The following FRZB variants were observed in gnomAD, a reference collection of about 807,000 sequenced individuals.
FRZB encodes frizzled related protein, also known as secreted frizzled-related protein 3.
FRZB carries 34 observed loss-of-function variants against 32.5 expected under a neutral mutation model. The ratio of observed to expected loss-of-function variants is 1.05; its 90% confidence interval spans 0.80 to 1.39. The LOEUF (loss-of-function observed/expected upper bound fraction) is 1.39. Among genes scored for constraint, FRZB ranks in the 40% most tolerant of loss-of-function variants. FRZB has a pLI of 0.00. For synonymous variants in FRZB, 170 were observed against 159.2 expected (o/e 1.07, Z -0.51); for missense variants, 423 against 424.8 (o/e 1.00, Z 0.04).
intron 1 of FRZB, among the ~76,000 whole-genome samples, chr2:182,865,207 C>T (rs1695877555): frequency 6.6e-6 from 1 of 151,150 alleles, no homozygotes. Flanking sequence ...ATTTTTTTTT[C>T]AAAACATGAG....
intron 1 of FRZB, among the ~76,000 whole-genome samples, chr2:182,862,310 C>T (rs1695842234): frequency 1.3e-5 from 2 of 152,218 alleles, no homozygotes; most frequent in South Asian, 2.1e-4. Flanking sequence ...CTTGGCACGG[C>T]AAACTGTAGG....
At chr2:182,847,755 G>A (rs1043867393) in intron 2 of FRZB, among the ~76,000 whole-genome samples, 1 of 152,320 alleles carries the variant, frequency 6.6e-6, no homozygotes, top group South Asian at 2.1e-4. Context: ...AGCAAAGAAA[G>A]TATAAAGCAG....
At chr2:182,844,230 C>A (rs548888380) in intron 2 of FRZB, among the ~76,000 whole-genome samples, 8 of 152,278 alleles carry the variant, frequency 5.3e-5, no homozygotes, top group Admixed American at 4.6e-4. Flanking sequence ...CACACAATTT[C>A]TGTGAAGATC....
intron 4 of FRZB, among the ~76,000 whole-genome samples, 180 bp from the exon 5 acceptor site, chr2:182,838,191 G>A (rs1469264115): frequency 6.6e-6 from 1 of 151,928 alleles, no homozygotes; most frequent in Non-Finnish European, 1.5e-5. Context: ...AACAAATGAA[G>A]TTATGGCCCC....
chr2:182,840,283 T>G (rs1042072723), intron 3 of FRZB, among the ~76,000 whole-genome samples: 5 of 152,154 alleles, frequency 3.3e-5, no homozygotes, highest in African/African-American at 1.2e-4. Context: ...GCAGGCATTT[T>G]TGTGTGTCCT....
rs1460396440 is a variant in FRZB, at chr2:182,866,272, G to C, written c.281C>G (p.Pro94Arg). Residue 94 changes from proline to arginine, a missense_variant, in exon 1 of 6, where the codon CCC becomes CGC. Pro to Arg is a moderately radical substitution (Grantham distance 103, BLOSUM62 -2). Transcript: ENST00000295113. This position sits in a 1 kb window ranked among gnomAD's most constrained non-coding sequence, Gnocchi z 4.5. ...LLFFLCAMYA[P>R]ICTIDFQHEP... Reference sequence around the variant, plus strand: ...GTGCTGGAAGTCAATGGTGCAGATGGGCGCGTACATGGCACAGAGGAAGAA... The same window carrying C: ...GTGCTGGAAGTCAATGGTGCAGATGCGCGCGTACATGGCACAGAGGAAGAA... The C allele has an allele frequency of 6.2e-7, 1 of 1,614,112 alleles. No homozygotes were observed. The highest frequency in any genetic ancestry group is 1.3e-5 in the African/African-American group (1 of 74,938).
At chr2:182,848,821 G>A (rs1260351993) in intron 2 of FRZB, among the ~76,000 whole-genome samples, 1 of 152,230 alleles carries the variant, frequency 6.6e-6, no homozygotes, top group Admixed American at 6.5e-5. Flanking sequence ...AGTGTGTACA[G>A]TATGCTTCCA....
intron 3 of FRZB, 53 bp from the exon 4 acceptor site, chr2:182,838,666 C>T: frequency 6.7e-7 from 1 of 1,485,078 alleles, no homozygotes; most frequent in Admixed American, 1.8e-5. Flanking sequence ...AATAGCTACC[C>T]CATTCAAAAA....
intron 2 of FRZB, among the ~76,000 whole-genome samples, chr2:182,854,904 C>G (rs561298877): frequency 6.6e-6 from 1 of 152,206 alleles, no homozygotes; most frequent in East Asian, 1.9e-4. Context: ...GATAAAGGAG[C>G]CTGGGAAAGG....
intron 5 of FRZB, among the ~76,000 whole-genome samples, chr2:182,836,884 G>A (rs1448618308): frequency 6.6e-6 from 1 of 151,956 alleles, no homozygotes; most frequent in Non-Finnish European, 1.5e-5. Flanking sequence ...CTTACTGGAG[G>A]GTAGTTTCTC....
At position 182,833,351 on chromosome 2, in the gene FRZB, T is replaced by C. The variant is rs1695486638; in HGVS notation, c.*1498A>G. 6.6e-6 allele frequency: 1 copy of C among 152,130 alleles called. No homozygotes were observed. Among genetic ancestry groups the C allele is most frequent in the African/African-American group, 2.4e-5 (1 of 41,420 alleles). 9.4% of individuals were successfully genotyped at this position (152,130 alleles called of 1,614,324 possible). A position where few individuals can be genotyped will look rare whatever the true frequency, so the allele number is the denominator to read the frequency against. ...GTTCTACTAATAGCACACATGTAAA[T>C]GGCAGAGAATGAAACTTTCAAGTAA... On this transcript the variant is annotated 3_prime_UTR_variant, in exon 6 of 6. Coordinates refer to ENST00000295113, the MANE Select transcript of FRZB (RefSeq NM_001463.4).
chr2:182,850,905 T>C (rs1385871237), intron 2 of FRZB, among the ~76,000 whole-genome samples: 1 of 152,218 alleles, frequency 6.6e-6, no homozygotes, highest in Admixed American at 6.5e-5. Context: ...ATCTTTTTGA[T>C]AAAAGCCATT....
intron 2 of FRZB, among the ~76,000 whole-genome samples, chr2:182,845,404 C>T (rs1162679065): frequency 4.6e-5 from 7 of 152,088 alleles, no homozygotes; most frequent in Non-Finnish European, 4.4e-5. Flanking sequence ...TCTTCCTCTC[C>T]CAACCTCCTA....
At chr2:182,848,633 A>AACG (rs1295538385) in intron 2 of FRZB, among the ~76,000 whole-genome samples, 1 of 152,188 alleles carries the variant, frequency 6.6e-6, no homozygotes, top group East Asian at 1.9e-4. Context: ...CAACAACAAC[A>AACG]ACAGCACAAC....
chr2:182,857,489 G>A (rs1695782801), intron 2 of FRZB, among the ~76,000 whole-genome samples: 1 of 151,662 alleles, frequency 6.6e-6, no homozygotes, highest in Non-Finnish European at 1.5e-5. Context: ...GTGTGGTGGT[G>A]CACACCTGTA....
At chr2:182,856,191 T>C (rs938061013) in intron 2 of FRZB, among the ~76,000 whole-genome samples, 6 of 151,468 alleles carry the variant, frequency 4.0e-5, no homozygotes, top group African/African-American at 1.5e-4. Flanking sequence ...AGAGAAAGAA[T>C]ACCAGAAGGA....
intron 5 of FRZB, among the ~76,000 whole-genome samples, chr2:182,837,319 G>A (rs551390966): frequency 1.3e-5 from 2 of 152,082 alleles, no homozygotes; most frequent in African/African-American, 4.8e-5. Flanking sequence ...CTTCTATACA[G>A]ATGAATGTAG....
chr2:182,858,435 G>C (rs188578947), intron 2 of FRZB, among the ~76,000 whole-genome samples: 1 of 152,286 alleles, frequency 6.6e-6, no homozygotes, highest in East Asian at 1.9e-4. Context: ...ATAAAGAAAA[G>C]ATGAGTGATT....
chr2:182,847,612 A>G (rs1240796247), intron 2 of FRZB, among the ~76,000 whole-genome samples: 2 of 152,184 alleles, frequency 1.3e-5, no homozygotes, highest in African/African-American at 4.8e-5. Flanking sequence ...ACTGATATTG[A>G]CAAGTTTGTA....
Sources: allele counts gnomAD v4.1 joint callset (sites outside exome capture counted in the v4.1 genomes callset), GRCh38; gene constraint gnomAD v4.1.1; non-coding constraint Gnocchi (gnomAD v3.1); transcripts MANE v1.5; gene names NCBI Gene and HGNC (gene_info 2026-07-23, HGNC 2026-07-21).